The following TCP1 variants were observed in gnomAD, a reference collection of about 807,000 sequenced individuals.
TCP1 encodes T-complex protein 1 subunit alpha.
TCP1 carries 6 observed loss-of-function variants against 54.7 expected under a neutral mutation model. That is an observed-to-expected ratio of 0.11 (90% CI 0.06 to 0.22). The LOEUF (loss-of-function observed/expected upper bound fraction) is 0.22. Ranked by LOEUF, TCP1 falls within the 10% of genes least tolerant of loss-of-function variation. TCP1 has a pLI of 1.00. For missense variants in TCP1, 511 were observed against 678.2 expected (o/e 0.75, Z 2.74); for synonymous variants, 225 against 229.7 (o/e 0.98, Z 0.19).
chr6:159,782,343 AAACTC>A (rs1442076925), intron 7 of TCP1, among the ~76,000 whole-genome samples: 5 of 152,268 alleles, frequency 3.3e-5, no homozygotes, highest in Non-Finnish European at 7.3e-5. Context: ...ACTGTTATAT[AAACTC>A]ATGGTAAAAA....
chr6:159,786,114 T>G, intron 3 of TCP1, 117 bp from the exon 4 acceptor site: 1 of 718,666 alleles, frequency 1.4e-6, no homozygotes, highest in Non-Finnish European at 2.4e-6. Flanking sequence ...ATGAAATGAA[T>G]TAACTGGTTA....
chr6:159,784,004 T>A lies in TCP1; in HGVS notation c.734A>T (p.Lys245Ile). 2 of 1,613,650 alleles carry A rather than the reference T, an allele frequency of 1.2e-6. No homozygotes were observed. The highest frequency in any genetic ancestry group is 2.2e-5 in the South Asian group (2 of 91,026). ...ACLDFSLQKT[K>I]MKLGVQVVIT... Reference sequence around the variant, plus strand: ...GACCACCTGTACACCAAGCTTCATTTTTGTTTTTTGCAGGCTGAAGTCAAG... The same window carrying A: ...GACCACCTGTACACCAAGCTTCATTATTGTTTTTTGCAGGCTGAAGTCAAG... The change falls in exon 7 of 12, where the codon AAA (lysine) becomes ATA (isoleucine). Residue 245 changes from lysine (K) to isoleucine (I), a missense_variant. Lys to Ile is a moderately radical substitution (Grantham distance 102). Coordinates refer to ENST00000321394, the MANE Select transcript of TCP1 (RefSeq NM_030752.3).
At chr6:159,789,305 G>A in intron 1 of TCP1, 100 bp downstream of exon 1, 2 of 1,398,130 alleles carry the variant, frequency 1.4e-6, no homozygotes, top group East Asian at 2.5e-5. Flanking sequence ...GGCCCTTTCT[G>A]CGGAGGTAAA....
At position 159,783,789 on chromosome 6, in the gene TCP1, C is replaced by T. The variant is rs987752322; in HGVS notation, c.797+152G>A. The T allele has an allele frequency of 9.2e-6, 9 of 977,480 alleles. No homozygotes were observed. In the African/African-American group the frequency reaches 1.3e-4, roughly 14 times the overall value. The allele number at this position is 977,480 out of a possible 1,614,324, so 60.6% of individuals were successfully genotyped here. ...ATACAATCAAAATTCCACAAAAAGG[C>T]CGATTTTCATATAGGTTGTATAACC... On this transcript the variant is annotated intron_variant, in intron 7 of 11. Coordinates refer to ENST00000321394, the MANE Select transcript of TCP1 (RefSeq NM_030752.3).
In TCP1 at chr6:159,778,842, T is replaced by C. The variant is rs754778627; in HGVS notation, c.*203A>G. Reference sequence around the variant, plus strand: ...TCAGAGAGAATGAATTGCTTAAACTTTGAACAACCTCAATTTCTTTTTAAA... The same window carrying C: ...TCAGAGAGAATGAATTGCTTAAACTCTGAACAACCTCAATTTCTTTTTAAA... On this transcript the variant is annotated 3_prime_UTR_variant, in exon 12 of 12. Coordinates refer to ENST00000321394, the MANE Select transcript of TCP1 (RefSeq NM_030752.3). 5.0e-6 allele frequency: 8 copies of C among 1,613,832 alleles called. No homozygotes were observed. The East Asian group carries it at 1.8e-4, about 36-fold the overall frequency.
intron 3 of TCP1, among the ~76,000 whole-genome samples, chr6:159,787,200 GAT>G (rs1283992423): frequency 3.3e-5 from 5 of 152,154 alleles, no homozygotes; most frequent in Non-Finnish European, 2.9e-5. Context: ...GCTGCAGTGA[GAT>G]ATGACAGCAC....
Position 159,784,143 on chromosome 6 carries a change from T to C in TCP1, c.671-76A>G, listed in dbSNP as rs1043971544. 23 of 1,496,514 alleles carry C rather than the reference T, an allele frequency of 1.5e-5. No individual in the cohort carries two copies. In the African/African-American group the frequency reaches 2.4e-4, roughly 16 times the overall value. The allele number at this position is 1,496,514 out of a possible 1,614,324, so 92.7% of individuals were successfully genotyped here. On this transcript the variant is annotated intron_variant, in intron 6 of 11. Coordinates refer to ENST00000321394, the MANE Select transcript of TCP1 (RefSeq NM_030752.3). The stretch of plus-strand genomic sequence containing the variant: ...TAAAGAGTACCTATAATCGATTGTA[T>C]GTAAACACACAAATTTAGACTAATT...
rs1319930873 is a variant in TCP1, at chr6:159,779,609, G to C, written c.1454+18C>G. 6.3e-7 allele frequency: 1 copy of C among 1,588,780 alleles called. No individual in the cohort carries two copies. Among genetic ancestry groups the C allele is most frequent in the Non-Finnish European group, 8.5e-7 (1 of 1,171,626 alleles). ...CCTGTTCTGCAGAGGTTAACAAAGA[G>C]CGGGAAACCATGCTTACCATTTTAG... On this transcript the variant is annotated intron_variant, in intron 11 of 11. Coordinates refer to ENST00000321394, the MANE Select transcript of TCP1 (RefSeq NM_030752.3).
At position 159,778,983 on chromosome 6, in the gene TCP1, TACTCA is replaced by T. The variant is rs1304936331; in HGVS notation, c.*57_*61del. 3.2e-6 allele frequency: 5 copies of T among 1,570,346 alleles called. No homozygotes were observed. Among genetic ancestry groups the T allele is most frequent in the African/African-American group, 2.7e-5 (2 of 73,878 alleles). The stretch of plus-strand genomic sequence containing the variant: ...GCTTGTACTTTACTTTAATGTGTAA[TACTCA>T]ACTCAAGGTACAAGACAATTGCATT... On this transcript the variant is annotated 3_prime_UTR_variant, in exon 12 of 12. Coordinates refer to ENST00000321394, the MANE Select transcript of TCP1 (RefSeq NM_030752.3).
chr6:159,780,210 G>T, intron 9 of TCP1, 123 bp from the exon 10 acceptor site: 1 of 1,297,748 alleles, frequency 7.7e-7, no homozygotes, highest in Non-Finnish European at 1.1e-6. Context: ...GTTCCCTTAA[G>T]TCCTGCCTAC....
rs1289511337 is a variant in TCP1, at chr6:159,779,897, T to A, written c.1288A>T (p.Met430Leu). The A allele has an allele frequency of 6.2e-7, 1 of 1,614,092 alleles. No homozygotes were observed. The highest frequency in any genetic ancestry group is 8.5e-7 in the Non-Finnish European group (1 of 1,180,014). Residue 430 changes from methionine (M) to leucine (L), a missense_variant and splice_region_variant, in exon 10 of 12, where the codon ATG becomes TTG. Physicochemically the swap from Met to Leu is conservative, Grantham distance 15. Around this residue, in one of 5 missense-constraint regions of TCP1, gnomAD observed 88 missense variants for 153.1 expected, o/e 0.57. Transcript: ENST00000321394. ...SIYLENYATS[M>L]GSREQLAIAE... ...AGACAAGAAATGACTGTTCTTACCA[T>A]GCTGGTTGCATAGTTTTCAAGGTAT...
chr6:159,780,716 A>T, intron 8 of TCP1, 150 bp from the exon 9 acceptor site: 1 of 1,264,060 alleles, frequency 7.9e-7, no homozygotes. Context: ...CCTAAGATGG[A>T]ACTGTCATTT....
chr6:159,781,796 C>T (rs913650914), intron 7 of TCP1, among the ~76,000 whole-genome samples: 1 of 152,082 alleles, frequency 6.6e-6, no homozygotes, highest in African/African-American at 2.4e-5. Flanking sequence ...CAAACAAAAA[C>T]AGGAGTCCAG....
At chr6:159,782,387 C>T (rs573220932) in intron 7 of TCP1, among the ~76,000 whole-genome samples, 1 of 152,198 alleles carries the variant, frequency 6.6e-6, no homozygotes, top group African/African-American at 2.4e-5. Flanking sequence ...AGAAAAAATA[C>T]AGGAAGTTAC....
chr6:159,787,009 G>A (rs1302155113), intron 3 of TCP1, among the ~76,000 whole-genome samples: 1 of 151,418 alleles, frequency 6.6e-6, no homozygotes, highest in African/African-American at 2.4e-5. Context: ...TACAGAGGCC[G>A]AGAAGGGAGG....
At chr6:159,780,329 GCGTATAACTGCT>G (rs754810359) in intron 9 of TCP1, 102 bp downstream of exon 9, 20 of 1,486,448 alleles carry the variant, frequency 1.3e-5, no homozygotes, top group Non-Finnish European at 3.7e-6. Context: ...TTTATCCCAT[GCGTATAACTGCT>G]CGTATCACTG....
Position 159,789,544 on chromosome 6 carries a change from G to T in TCP1, c.-76C>A. 1 of 1,555,518 alleles carries T rather than the reference G, an allele frequency of 6.4e-7. No individual in the cohort carries two copies. Among genetic ancestry groups the T allele is most frequent in the Non-Finnish European group, 8.8e-7 (1 of 1,135,770 alleles). On this transcript the variant is annotated 5_prime_UTR_variant, in exon 1 of 12. Coordinates refer to ENST00000321394, the MANE Select transcript of TCP1 (RefSeq NM_030752.3). Reference sequence around the variant, plus strand: ...TATCGCGGCCCCTCGGCCGACCGGCGACCACAGCAGTGGCTGCGACGGCGT... The same window carrying T: ...TATCGCGGCCCCTCGGCCGACCGGCTACCACAGCAGTGGCTGCGACGGCGT...
chr6:159,779,290 C>A, intron 11 of TCP1, 29 bp from the exon 12 acceptor site: 1 of 1,591,508 alleles, frequency 6.3e-7, no homozygotes. Flanking sequence ...TATTTAACGG[C>A]CGCTTACAAT....
intron 9 of TCP1, 146 bp from the exon 10 acceptor site, chr6:159,780,233 G>C: frequency 8.2e-7 from 1 of 1,216,932 alleles, no homozygotes; most frequent in Non-Finnish European, 1.2e-6. Context: ...AGGATATTTA[G>C]ATATACTATA....
Sources: gnomAD v4.1 joint callset for allele counts (sites outside exome capture counted in the v4.1 genomes callset) on GRCh38, gnomAD v4.1.1 for gene constraint, gnomAD v4.1.1 regional missense constraint, MANE v1.5 for transcripts, NCBI Gene and HGNC (gene_info 2026-07-23, HGNC 2026-07-21) for gene names.